KCTD9: variants seen among roughly 807,000 people sequenced by gnomAD.
KCTD9 encodes the protein potassium channel tetramerization domain containing 9.
KCTD9 carries 17 observed loss-of-function variants against 53.3 expected under a neutral mutation model. The ratio of observed to expected loss-of-function variants is 0.32; its 90% CI spans 0.22 to 0.48. The LOEUF (loss-of-function observed/expected upper bound fraction) is 0.48. KCTD9 is among the 20% of genes least tolerant of loss of function. The pLI is 0.99. For missense variants in KCTD9, 179 were observed against 465.5 expected (o/e 0.38, Z 5.66); for synonymous variants, 128 against 162.7 (o/e 0.79, Z 1.62).
intron 11 of KCTD9, 135 bp downstream of exon 11, chr8:25,432,369 C>T (rs2117386855): frequency 2.7e-6 from 2 of 736,544 alleles, no homozygotes; most frequent in East Asian, 5.3e-5. Context: ...ATGAAATCAA[C>T]TTAGACTGAA....
chr8:25,457,949 C>T (rs1274013451), intron 1 of KCTD9, among the ~76,000 whole-genome samples: 2 of 151,634 alleles, frequency 1.3e-5, no homozygotes, highest in East Asian at 2.0e-4. Flanking sequence ...TCCGGGAGAC[C>T]CGGAGCCCCC....
chr8:25,457,975 G>C (rs938030962), intron 1 of KCTD9, among the ~76,000 whole-genome samples: 11 of 144,644 alleles, frequency 7.6e-5, no homozygotes, highest in Non-Finnish European at 1.4e-4. Context: ...GAACCGCGCC[G>C]GCCCCCAGGC....
At chr8:25,438,672 CA>C (rs1214204271) in intron 6 of KCTD9, among the ~76,000 whole-genome samples, 12 of 152,348 alleles carry the variant, frequency 7.9e-5, no homozygotes, top group African/African-American at 2.9e-4. Flanking sequence ...TCCAAATATG[CA>C]ACCAGTGTTT....
chr8:25,434,136 G>A (rs766994410), intron 9 of KCTD9, among the ~76,000 whole-genome samples: 8 of 152,212 alleles, frequency 5.3e-5, no homozygotes, highest in Non-Finnish European at 8.8e-5. Flanking sequence ...GTCTCACTCC[G>A]TCACCCAGGA....
At chr8:25,455,247 TA>T (rs1189844251) in intron 1 of KCTD9, among the ~76,000 whole-genome samples, 3 of 148,264 alleles carry the variant, frequency 2.0e-5, no homozygotes, top group Non-Finnish European at 4.4e-5. Context: ...TAATAAATAA[TA>T]AATAAATAAA....
At chr8:25,443,311 C>T (rs1472821043) in intron 3 of KCTD9, among the ~76,000 whole-genome samples, 6 of 152,040 alleles carry the variant, frequency 3.9e-5, no homozygotes, top group Non-Finnish European at 2.9e-5. Context: ...AAGATGAACA[C>T]CAGTTATTCC....
intron 2 of KCTD9, 113 bp from the exon 3 acceptor site, chr8:25,444,448 A>C: frequency 1.1e-6 from 1 of 938,924 alleles, no homozygotes; most frequent in East Asian, 2.7e-5. Flanking sequence ...TTTTGCTATC[A>C]ATCTAGACTG....
intron 2 of KCTD9, among the ~76,000 whole-genome samples, chr8:25,444,566 G>T (rs959994114): frequency 6.6e-6 from 1 of 151,770 alleles, no homozygotes; most frequent in Non-Finnish European, 1.5e-5. Context: ...TGAAATGTGG[G>T]GAAAAAAATC....
chr8:25,438,304 C>CTTT (rs34836158), intron 6 of KCTD9, among the ~76,000 whole-genome samples: 1 of 139,274 alleles, frequency 7.2e-6, no homozygotes, highest in Non-Finnish European at 1.6e-5. Context: ...CAAATAATAT[C>CTTT]TTTTTTTTTT....
At chr8:25,435,289 G>T in intron 9 of KCTD9, 74 bp downstream of exon 9, 1 of 976,914 alleles carries the variant, frequency 1.0e-6, no homozygotes, top group Non-Finnish European at 1.4e-6. Context: ...TATAATTCCT[G>T]TCTCAAAGGC....
At chr8:25,433,171 G>A (rs1801960157) in intron 10 of KCTD9, among the ~76,000 whole-genome samples, 159 bp downstream of exon 10, 1 of 152,094 alleles carries the variant, frequency 6.6e-6, no homozygotes, top group Non-Finnish European at 1.5e-5. Context: ...GAAACCAAAT[G>A]GAGGTTTCTT....
rs1362217855 is a variant in KCTD9 at position 25,429,071 on chromosome 8, G to A, written c.*786C>T. ...AATAGATAGAATTGCTTGATCTGGT[G>A]TTGAGTGGAACTTGCCTAGAATGAA... On this transcript the variant is annotated 3_prime_UTR_variant, in exon 12 of 12. Transcript: ENST00000221200. The A allele has an allele frequency of 6.6e-6, 1 of 152,178 alleles. No individual in the cohort carries two copies. Among genetic ancestry groups the A allele is most frequent in the Non-Finnish European group, 1.5e-5 (1 of 68,038 alleles). The allele number at this position is 152,178 out of a possible 1,614,324, so 9.4% of individuals were successfully genotyped here.
chr8:25,429,938 G>A lies in KCTD9; in HGVS notation c.1089C>T (p.Ala363=). The A allele has an allele frequency of 6.2e-7, 1 of 1,608,664 alleles. No homozygotes were observed. Among genetic ancestry groups the A allele is most frequent in the Non-Finnish European group, 8.5e-7 (1 of 1,175,122 alleles). ...CCTTCACGTTGGACCCTCTCAGGTT[G>A]GCTTCTTGAAGATCACACCCAGACA... The part of the protein sequence containing the change: ...CDLSGCDLQE[A]NLRGSNVKGA... Residue 363 remains alanine, a synonymous_variant, in exon 12 of 12, where the codon GCC becomes GCT. Transcript: ENST00000221200.
intron 1 of KCTD9, among the ~76,000 whole-genome samples, chr8:25,449,039 G>A (rs1802269449): frequency 6.6e-6 from 1 of 152,218 alleles, no homozygotes; most frequent in Admixed American, 6.5e-5. Flanking sequence ...GGGACAAAGC[G>A]AAGCGAAATA....
chr8:25,453,095 G>A (rs897640869), intron 1 of KCTD9, among the ~76,000 whole-genome samples: 2 of 152,202 alleles, frequency 1.3e-5, no homozygotes, highest in Admixed American at 6.5e-5. Context: ...AGGCAGAGTG[G>A]CTCACGCCTG....
intron 11 of KCTD9, among the ~76,000 whole-genome samples, chr8:25,431,588 G>T (rs1373994160): frequency 6.6e-6 from 1 of 151,960 alleles, no homozygotes; most frequent in Non-Finnish European, 1.5e-5. Context: ...TTGCTGCTAG[G>T]CCACACTGAG....
At chr8:25,444,459 C>A in intron 2 of KCTD9, 124 bp from the exon 3 acceptor site, 1 of 816,960 alleles carries the variant, frequency 1.2e-6, no homozygotes, top group South Asian at 1.9e-5. Context: ...ATCTAGACTG[C>A]AAAGAAGCTA....
chr8:25,447,060 T>C (rs1165358172), intron 1 of KCTD9, among the ~76,000 whole-genome samples: 2 of 152,198 alleles, frequency 1.3e-5, no homozygotes, highest in African/African-American at 2.4e-5. Context: ...GTTGTGCAGT[T>C]GCACCATTAT....
intron 11 of KCTD9, among the ~76,000 whole-genome samples, chr8:25,430,808 T>TACACACACACAC (rs139075991): frequency 2.9e-4 from 42 of 145,578 alleles, no homozygotes; most frequent in African/African-American, 7.2e-4. Context: ...ACATAATAAA[T>TACACACACACAC]ACACACACAC....
Sources: allele counts gnomAD v4.1 joint callset (sites outside exome capture counted in the v4.1 genomes callset), GRCh38; gene constraint gnomAD v4.1.1; transcripts MANE v1.5; gene names NCBI Gene and HGNC (gene_info 2026-07-23, HGNC 2026-07-21).